CNGB1: variants seen among roughly 807,000 people sequenced by gnomAD.
CNGB1 encodes the protein cyclic nucleotide-gated channel beta-1.
In CNGB1, 126 loss-of-function variants were observed where a neutral mutation model predicts 151.7. The ratio of observed to expected loss-of-function variants is 0.83; its 90% confidence interval spans 0.72 to 0.96. The LOEUF is 0.96. Among genes scored for constraint, CNGB1 ranks in the 40% least tolerant of loss-of-function variants. The pLI is 0.00. For missense variants in CNGB1, 1,698 were observed against 1,627.0 expected, an observed-to-expected ratio of 1.04 and a Z score of -0.75; for synonymous variants, 623 against 635.1, an observed-to-expected ratio of 0.98 and a Z score of 0.29.
At chr16:57,955,753 C>A (rs566067626) in intron 12 of CNGB1, among the ~76,000 whole-genome samples, 98 of 151,646 alleles carry the variant, frequency 6.5e-4, no homozygotes, top group Non-Finnish European at 8.7e-4. Context: ...GAGACGGAGG[C>A]GGGCACTGGA....
At chr16:57,935,419 C>T (rs1486289895) in intron 16 of CNGB1, among the ~76,000 whole-genome samples, 2 of 152,226 alleles carry the variant, frequency 1.3e-5, no homozygotes, top group African/African-American at 4.8e-5. Context: ...GTGGCTCATG[C>T]CTGTACTCCC....
At chr16:57,939,944 C>T (rs562897448) in intron 15 of CNGB1, among the ~76,000 whole-genome samples, 8 of 152,202 alleles carry the variant, frequency 5.3e-5, no homozygotes, top group Admixed American at 1.3e-4. Flanking sequence ...GTCTGTAGCC[C>T]CCTCGTGCAC....
At chr16:57,949,227 C>A in intron 14 of CNGB1, 126 bp downstream of exon 14, 2 of 1,551,296 alleles carry the variant, frequency 1.3e-6, no homozygotes, top group South Asian at 1.2e-5. Context: ...TTGGTCAAAG[C>A]CCAGCCTTAC....
rs1264009463 is a variant in CNGB1, at chr16:57,911,819, T to C, written c.2426A>G (p.Tyr809Cys). The C allele has an allele frequency of 3.7e-6, 6 of 1,613,976 alleles. No homozygotes were observed. The highest frequency in any genetic ancestry group is 4.2e-6 in the Non-Finnish European group (5 of 1,179,962). Residue 809 changes from tyrosine to cysteine, a missense_variant, in exon 25 of 33, where the codon TAT becomes TGT. Tyr to Cys is a radical substitution (Grantham distance 194). Coordinates refer to ENST00000251102, the MANE Select transcript of CNGB1 (RefSeq NM_001297.5). ...LYSLHLNSCL[Y>C]YWASAYQGLG... ...GCCCTGATAGGCCGATGCCCAGTAA[T>C]AAAGACAGGAATTCAAATGCAGGCT...
intron 14 of CNGB1, among the ~76,000 whole-genome samples, chr16:57,948,934 T>G (rs943714385): frequency 1.3e-5 from 2 of 151,702 alleles, no homozygotes; most frequent in African/African-American, 4.9e-5. Flanking sequence ...GCAACCAAGG[T>G]GGGTGGATAT....
At chr16:57,961,660 GAA>G (rs1962259919) in intron 7 of CNGB1, among the ~76,000 whole-genome samples, 7 of 152,102 alleles carry the variant, frequency 4.6e-5, no homozygotes, top group Non-Finnish European at 1.0e-4. Flanking sequence ...ATGAATGAAT[GAA>G]TGAATGAGTG....
At chr16:57,944,201 A>G (rs1961744012) in intron 14 of CNGB1, among the ~76,000 whole-genome samples, 1 of 152,232 alleles carries the variant, frequency 6.6e-6, no homozygotes, top group African/African-American at 2.4e-5. Flanking sequence ...TATACACAAT[A>G]GAATTCAGCC....
chr16:57,967,500 C>T, intron 1 of CNGB1: 1 of 578,222 alleles, frequency 1.7e-6, no homozygotes, highest in Non-Finnish European at 3.1e-6. Context: ...TTGAGATCAG[C>T]CTGGGCAAGA....
At chr16:57,885,432 T>G (rs1343418909) in intron 32 of CNGB1, among the ~76,000 whole-genome samples, 2 of 152,022 alleles carry the variant, frequency 1.3e-5, no homozygotes, top group Non-Finnish European at 2.9e-5. Flanking sequence ...TTCCCTATGT[T>G]TTGGTGCCCC....
chr16:57,899,180 A>T (rs1024675182), intron 29 of CNGB1, among the ~76,000 whole-genome samples: 1 of 152,228 alleles, frequency 6.6e-6, no homozygotes, highest in Non-Finnish European at 1.5e-5. Flanking sequence ...GAATGCATGC[A>T]TGAATGAATA....
At chr16:57,893,000 G>A (rs1408294832) in intron 31 of CNGB1, among the ~76,000 whole-genome samples, 1 of 152,102 alleles carries the variant, frequency 6.6e-6, no homozygotes, top group African/African-American at 2.4e-5. Context: ...TGTGAGTTTT[G>A]TTTGGTCCCT....
At chr16:57,897,576 A>C in intron 30 of CNGB1, 33 bp from the exon 31 acceptor site, 1 of 1,613,318 alleles carries the variant, frequency 6.2e-7, no homozygotes, top group Non-Finnish European at 8.5e-7. Context: ...GAGGCCCTTC[A>C]GAGACTGCCG....
intron 21 of CNGB1, among the ~76,000 whole-genome samples, chr16:57,916,884 G>T (rs984483352): frequency 6.6e-6 from 1 of 152,250 alleles, no homozygotes; most frequent in Admixed American, 6.5e-5. Context: ...AATCCTCATG[G>T]CAACACTGGG....
At chr16:57,885,582 CT>C (rs1567359825) in intron 32 of CNGB1, among the ~76,000 whole-genome samples, 1 of 104,174 alleles carries the variant, frequency 9.6e-6, no homozygotes, top group Non-Finnish European at 2.0e-5. Flanking sequence ...CTCTCTCTTT[CT>C]TTCTTTCTTT....
chr16:57,922,575 T>C (rs1961069693), intron 18 of CNGB1, among the ~76,000 whole-genome samples: 2 of 152,164 alleles, frequency 1.3e-5, no homozygotes, highest in South Asian at 2.1e-4. Flanking sequence ...ATTACAGGCA[T>C]GTGCCACCAC....
chr16:57,955,682 C>T (rs1248486414), intron 12 of CNGB1, among the ~76,000 whole-genome samples: 2 of 152,096 alleles, frequency 1.3e-5, no homozygotes, highest in Non-Finnish European at 2.9e-5. Flanking sequence ...TGACTGATGT[C>T]CTTTTTAAAG....
intron 29 of CNGB1, among the ~76,000 whole-genome samples, chr16:57,899,603 G>A (rs1383834845): frequency 6.6e-6 from 1 of 152,086 alleles, no homozygotes; most frequent in Non-Finnish European, 1.5e-5. Context: ...TAGTGCCACT[G>A]CACTCCACCC....
intron 12 of CNGB1, among the ~76,000 whole-genome samples, chr16:57,955,937 C>T (rs1192644284): frequency 6.6e-6 from 1 of 152,212 alleles, no homozygotes; most frequent in Non-Finnish European, 1.5e-5. Context: ...TTCTAAGCCG[C>T]CCAGTGTGCG....
intron 22 of CNGB1, among the ~76,000 whole-genome samples, chr16:57,915,573 A>G (rs532021650): frequency 8.5e-5 from 13 of 152,292 alleles, no homozygotes; most frequent in African/African-American, 2.6e-4. Flanking sequence ...TGTGCCATAC[A>G]GTAAGGGGCG....
Sources: allele counts gnomAD v4.1 joint callset (sites outside exome capture counted in the v4.1 genomes callset), GRCh38; gene constraint gnomAD v4.1.1; transcripts MANE v1.5; gene names NCBI Gene and HGNC (gene_info 2026-07-23, HGNC 2026-07-21).